Variants in TFIP11 observed in about 807,000 individuals in gnomAD.
TFIP11 encodes tuftelin interacting protein 11, also known as tuftelin-interacting protein 11.
In TFIP11, 86 loss-of-function variants were observed where a neutral mutation model predicts 96.8. That is an observed-to-expected ratio of 0.89 (90% CI 0.75 to 1.06). TFIP11 has a LOEUF of 1.06. TFIP11 is among the 50% of genes least tolerant of loss of function. TFIP11 has a pLI of 0.00. For synonymous variants in TFIP11, 405 were observed against 395.2 expected, an observed-to-expected ratio of 1.02 and a Z score of -0.29; for missense variants, 881 against 1,076.7, an observed-to-expected ratio of 0.82 and a Z score of 2.54.
Position 26,491,688 on chromosome 22 carries a change from C to T in TFIP11, c.*325G>A, listed in dbSNP as rs377155634. The stretch of plus-strand genomic sequence containing the variant: ...TACTGACTGAACTCGTTGTGAGGTA[C>T]TCAGTGTTGGCTGAGGTAGAAGCTG... On this transcript the variant is annotated 3_prime_UTR_variant, in exon 15 of 15. Coordinates refer to ENST00000407690, the MANE Select transcript of TFIP11 (RefSeq NM_012143.4). The T allele has an allele frequency of 5.6e-4, 901 of 1,603,606 alleles. 1 individual carries two copies. The highest frequency in any genetic ancestry group is 7.4e-4 in the Non-Finnish European group (867 of 1,178,108).
Position 26,501,906 on chromosome 22 carries a change from T to C in TFIP11, c.795A>G (p.Gln265=). 1 of 1,613,074 alleles carries C rather than the reference T, an allele frequency of 6.2e-7. No individual in the cohort carries two copies. The highest frequency in any genetic ancestry group is 8.5e-7 in the Non-Finnish European group (1 of 1,179,678). The part of the protein sequence containing the change: ...KLTAPQKELS[Q]VKVIDMTGRE... ...TGTCCAAGGGCCCCTGTACCTTGAC[T>C]TGAGAAAGTTCCTTCTGGGGAGCAG... Residue 265 remains glutamine (Q), a synonymous_variant, in exon 8 of 15, where the codon CAA becomes CAG. Coordinates refer to ENST00000407690, the MANE Select transcript of TFIP11 (RefSeq NM_012143.4).
chr22:26,506,003 C>T, intron 6 of TFIP11: 1 of 216,868 alleles, frequency 4.6e-6, no homozygotes, highest in African/African-American at 2.3e-5. Flanking sequence ...TATGAGCCAC[C>T]ACACCCAGCC....
In TFIP11 at chr22:26,491,381, C is replaced by A; in HGVS notation, c.*632G>T. ...TTTTTAAAAAGTAAAGTGGGGATGA[C>A]AAGTAAAGTGGAAATTTATCCCAGA... On this transcript the variant is annotated 3_prime_UTR_variant, in exon 15 of 15. Transcript: ENST00000407690. 2 of 1,116,530 alleles carry A rather than the reference C, an allele frequency of 1.8e-6. No homozygotes were observed. The highest frequency in any genetic ancestry group is 1.3e-6 in the Non-Finnish European group (1 of 763,346). 69.2% of individuals were successfully genotyped at this position (1,116,530 alleles called of 1,614,324 possible).
rs1167255464 is a variant in TFIP11, at chr22:26,491,428, A to G, written c.*585T>C. ...CAGAAGAGTGGGGATTACTGTGACT[A>G]TCTGAAGTTTTTATACTTGAATTTT... On this transcript the variant is annotated 3_prime_UTR_variant, in exon 15 of 15. Transcript: ENST00000407690. The G allele has an allele frequency of 5.9e-6, 9 of 1,516,342 alleles. No individual in the cohort carries two copies. Among genetic ancestry groups the G allele is most frequent in the Non-Finnish European group, 8.2e-6 (9 of 1,097,722 alleles). The allele number at this position is 1,516,342 out of a possible 1,614,324, so 93.9% of individuals were successfully genotyped here. A position where few individuals can be genotyped will look rare whatever the true frequency, so the allele number is the denominator to read the frequency against.
chr22:26,508,890 G>C (rs1923732625), intron 4 of TFIP11, among the ~76,000 whole-genome samples: 2 of 151,734 alleles, frequency 1.3e-5, no homozygotes, highest in South Asian at 4.2e-4. Context: ...CAATAGGATA[G>C]AGCCTAGAGG....
chr22:26,506,784 C>T lies in TFIP11; in HGVS notation c.354G>A (p.Lys118=), dbSNP rs141028033. ...CTGCAATAGAGACTACCGTTTTTAG[C>T]TTCCTTGGTCCAAAATCCTTAGGAA... The part of the protein sequence containing the change: ...DDFPKDFGPR[K]LKTGGNFKPS... Residue 118 remains lysine (K), a synonymous_variant, in exon 5 of 15, where the codon AAG becomes AAA. Transcript: ENST00000407690. The T allele has an allele frequency of 2.6e-4, 417 of 1,614,186 alleles. 4 individuals carry two copies. In the Middle Eastern group the frequency reaches 3.5e-3, roughly 13 times the overall value.
At chr22:26,507,630 CA>C (rs134137) in intron 4 of TFIP11, among the ~76,000 whole-genome samples, 74,772 of 115,456 alleles carry the variant, frequency 0.65, 21,067 homozygotes, top group African/African-American at 0.72. Flanking sequence ...ACCTTATCTC[CA>C]AAAAAAAAAA....
At chr22:26,502,130 C>A (rs1157496611) in intron 7 of TFIP11, 78 bp from the exon 8 acceptor site, 7 of 1,549,738 alleles carry the variant, frequency 4.5e-6, no homozygotes, top group African/African-American at 1.4e-5. Flanking sequence ...AGACCATTAG[C>A]AGATGTCACC....
chr22:26,510,157 C>A lies in TFIP11; in HGVS notation c.116G>T (p.Arg39Leu), dbSNP rs1444332271. The change falls in exon 4 of 15, where the codon CGA (arginine) becomes CTA (leucine). Residue 39 changes from arginine (R) to leucine (L), a missense_variant. Physicochemically the swap from Arg to Leu is moderately radical, Grantham distance 102. Transcript: ENST00000407690. The stretch of plus-strand genomic sequence containing the variant: ...TTCCTTGGTCTGCCAGTGGCGCTGT[C>A]GGTTGGGGTTGAACTCATTCTGGAG... ...WDLQNEFNPN[R>L]QRHWQTKEEA... The A allele has an allele frequency of 3.1e-6, 5 of 1,614,178 alleles. No homozygotes were observed. The Admixed American group carries it at 8.3e-5, about 27-fold the overall frequency.
chr22:26,503,100 G>A (rs1202355735), intron 7 of TFIP11, among the ~76,000 whole-genome samples: 2 of 152,102 alleles, frequency 1.3e-5, no homozygotes, highest in Non-Finnish European at 2.9e-5. Flanking sequence ...TGGGGAAAAG[G>A]GACACACAGC....
At position 26,497,159 on chromosome 22, in the gene TFIP11, C is replaced by T. The variant is rs117922318; in HGVS notation, c.1437-270G>A. On this transcript the variant is annotated intron_variant, in intron 10 of 14. Transcript: ENST00000407690. Reference sequence around the variant, plus strand: ...CTTTAGGGTCACAAGGGCCTCTTCCCAGGTATCAAGTGCTTTCCCACCTAT... The same window carrying T: ...CTTTAGGGTCACAAGGGCCTCTTCCTAGGTATCAAGTGCTTTCCCACCTAT... Among the ~76,000 whole-genome samples the T allele has an allele frequency of 9.9e-3, 1,513 of 152,260 alleles. 13 individuals carry two copies. The highest frequency in any genetic ancestry group is 0.017 in the Non-Finnish European group (1,134 of 68,012).
At chr22:26,503,550 T>C (rs1923041877) in intron 7 of TFIP11, 116 bp downstream of exon 7, 7 of 1,325,416 alleles carry the variant, frequency 5.3e-6, no homozygotes, top group Non-Finnish European at 6.2e-6. Flanking sequence ...GCCCAGTACC[T>C]GGCATACGGT....
At chr22:26,508,621 C>T (rs999355041) in intron 4 of TFIP11, among the ~76,000 whole-genome samples, 46 of 151,996 alleles carry the variant, frequency 3.0e-4, no homozygotes, top group Admixed American at 2.9e-3. Flanking sequence ...TTTCGGAGGC[C>T]GAGGCAGGCG....
Position 26,499,554 on chromosome 22 carries a change from A to G in TFIP11, c.879T>C (p.Asp293=), listed in dbSNP as rs147982713. The change falls in exon 9 of 15, where the codon GAT becomes GAC. Residue 293 remains aspartate, a synonymous_variant. Coordinates refer to ENST00000407690, the MANE Select transcript of TFIP11 (RefSeq NM_012143.4). Reference sequence around the variant, plus strand: ...GTTGGGACTGTAGCGGCAGCCCATCATCGGGAACGTTGTGCTTGTGGCTGA... The same window carrying G: ...GTTGGGACTGTAGCGGCAGCCCATCGTCGGGAACGTTGTGCTTGTGGCTGA... ...SQISHKHNVP[D]DGLPLQSQQL... The G allele has an allele frequency of 2.2e-5, 35 of 1,614,066 alleles. No homozygotes were observed. Among genetic ancestry groups the G allele is most frequent in the Non-Finnish European group, 2.9e-5 (34 of 1,180,058 alleles).
rs1569155767 is a variant in TFIP11, at chr22:26,494,226, A to G, written c.2071T>C (p.Ser691Pro). 3.1e-6 allele frequency: 5 copies of G among 1,614,236 alleles called. No homozygotes were observed. Among genetic ancestry groups the G allele is most frequent in the Non-Finnish European group, 4.2e-6 (5 of 1,180,034 alleles). The change falls in exon 14 of 15, where the codon TCA becomes CCA. Residue 691 changes from serine to proline, a missense_variant. Ser to Pro is a moderately conservative substitution (Grantham distance 74, BLOSUM62 -1). Transcript: ENST00000407690. ...KWYLGWKSMFSDQVLAHPSVK... is the reference protein window; with the variant it reads ...KWYLGWKSMFPDQVLAHPSVK... ...GATGGATGTGCCAGCACTTGGTCTG[A>G]GAACATCGACTTCCAACCCAGGTAC...
intron 7 of TFIP11, 148 bp from the exon 8 acceptor site, chr22:26,502,200 A>C: frequency 1.1e-6 from 1 of 883,692 alleles, no homozygotes; most frequent in Non-Finnish European, 1.7e-6. Flanking sequence ...ATGCACCTGC[A>C]AGACACCAAA....
At chr22:26,492,442 C>T (rs1921340225) in intron 14 of TFIP11, 74 bp from the exon 15 acceptor site, 2 of 1,440,138 alleles carry the variant, frequency 1.4e-6, no homozygotes, top group Non-Finnish European at 1.9e-6. Context: ...TGGCTTGGCC[C>T]AGGTCTTGGG....
rs755519326 is a variant in TFIP11 at position 26,496,172 on chromosome 22, T to C, written c.1750A>G (p.Ser584Gly). Residue 584 changes from serine to glycine, a missense_variant, in exon 12 of 15, where the codon AGC becomes GGC. Ser to Gly is a moderately conservative substitution (Grantham distance 56). Transcript: ENST00000407690. ...LSSALQKWHPSDSSAKLILQP... is the reference protein window; with the variant it reads ...LSSALQKWHPGDSSAKLILQP... The stretch of plus-strand genomic sequence containing the variant: ...AGGATGAGCTTGGCAGAGGAGTCGC[T>C]GGGGTGCCACTTCTGCAGGGCGCTG... The C allele has an allele frequency of 6.2e-7, 1 of 1,613,840 alleles. No homozygotes were observed.
At chr22:26,492,468 G>C (rs1921345240) in intron 14 of TFIP11, 100 bp from the exon 15 acceptor site, 1 of 1,072,900 alleles carries the variant, frequency 9.3e-7, no homozygotes, top group Non-Finnish European at 1.4e-6. Context: ...CAGAGTGCTT[G>C]TGACTCACTG....
Sources: gnomAD v4.1 joint callset for allele counts (sites outside exome capture counted in the v4.1 genomes callset) on GRCh38, gnomAD v4.1.1 for gene constraint, MANE v1.5 for transcripts, NCBI Gene and HGNC (gene_info 2026-07-23, HGNC 2026-07-21) for gene names.